Variants in AGK observed in about 807,000 individuals in gnomAD.
AGK encodes the protein acylglycerol kinase, mitochondrial.
In AGK, 52 loss-of-function variants were observed where a neutral mutation model predicts 66.4. The ratio of observed to expected loss-of-function variants is 0.78; its 90% CI spans 0.63 to 0.99. The LOEUF (loss-of-function observed/expected upper bound fraction) is 0.99. Among genes scored for constraint, AGK ranks in the 50% least tolerant of loss-of-function variants. The pLI, the probability that AGK is intolerant of heterozygous loss-of-function variation, is 0.00. For missense variants in AGK, 451 were observed against 506.6 expected (o/e 0.89, Z 1.05); for synonymous variants, 182 against 181.1 (o/e 1.00, Z -0.04).
In AGK at chr7:141,641,828, A is replaced by T. The variant is rs1797297643; in HGVS notation, c.895A>T (p.Ser299Cys). The T allele has an allele frequency of 1.9e-6, 3 of 1,580,190 alleles. No homozygotes were observed. The African/African-American group carries it at 4.0e-5, about 21-fold the overall frequency. Reference protein sequence around the residue: ...QPQDALSQEVSPEVWKDVQLS... With the variant: ...QPQDALSQEVCPEVWKDVQLS... ...TCCCACAGCCCTTTCCCAAGAGGTG[A>T]GCCCGGAGGTCTGGAAAGATGTGCA... The change falls in exon 13 of 16, where the codon AGC (serine) becomes TGC (cysteine). Residue 299 changes from serine (S) to cysteine (C), a missense_variant. Coordinates refer to ENST00000649286, the MANE Select transcript of AGK (RefSeq NM_018238.4).
rs1173617927 is a variant in AGK at position 141,555,199 on chromosome 7, A to G, written c.-14-254A>G. ...AATAGTGATCAGAGAGGGAAGAAGTATAGGTTAGGTGGAAATACGTGAAGG... is the reference window on the plus strand; with the variant it reads ...AATAGTGATCAGAGAGGGAAGAAGTGTAGGTTAGGTGGAAATACGTGAAGG... On this transcript the variant is annotated intron_variant, in intron 1 of 15. Coordinates refer to ENST00000649286, the MANE Select transcript of AGK (RefSeq NM_018238.4). This position sits in a 1 kb window ranked among gnomAD's most constrained non-coding sequence, Gnocchi z 4.2. Among the ~76,000 whole-genome samples the G allele has an allele frequency of 6.6e-6, 1 of 152,102 alleles. No homozygotes were observed. The highest frequency in any genetic ancestry group is 1.5e-5 in the Non-Finnish European group (1 of 68,026).
chr7:141,621,522 G>A (rs1453333595), intron 8 of AGK, among the ~76,000 whole-genome samples: 1 of 152,032 alleles, frequency 6.6e-6, no homozygotes, highest in Non-Finnish European at 1.5e-5. Context: ...ACTTCTCCTT[G>A]CCAAAGCTTT....
chr7:141,654,477 T>A lies in AGK; in HGVS notation c.*1553T>A, dbSNP rs1797641906. On this transcript the variant is annotated 3_prime_UTR_variant, in exon 16 of 16. Transcript: ENST00000649286. ...CACAGTGCTCTATCATCAAGAATTA[T>A]TAATGATGATCTATCAACTAACAAA... 6.6e-6 allele frequency: 1 copy of A among 152,268 alleles called. No homozygotes were observed. Among genetic ancestry groups the A allele is most frequent in the South Asian group, 2.1e-4 (1 of 4,832 alleles). The allele number at this position is 152,268 out of a possible 1,614,324, so 9.4% of individuals were successfully genotyped here.
intron 2 of AGK, among the ~76,000 whole-genome samples, chr7:141,580,088 G>A (rs1795848725): frequency 6.6e-6 from 1 of 151,990 alleles, no homozygotes; most frequent in African/African-American, 2.4e-5. Flanking sequence ...TTAAAGAGGA[G>A]TTAATGATGG....
At chr7:141,638,512 T>C (rs1458371978) in intron 11 of AGK, among the ~76,000 whole-genome samples, 1 of 151,968 alleles carries the variant, frequency 6.6e-6, no homozygotes, top group Non-Finnish European at 1.5e-5. Flanking sequence ...TTTAGAAAAA[T>C]TGTTTTTTTC....
intron 2 of AGK, among the ~76,000 whole-genome samples, chr7:141,583,889 C>A (rs1409020643): frequency 6.6e-6 from 1 of 151,856 alleles, no homozygotes; most frequent in African/African-American, 2.4e-5. Flanking sequence ...TAAAAAGAGG[C>A]CGCTTACCTG....
chr7:141,593,295 TA>T (rs750145077), intron 3 of AGK, 110 bp downstream of exon 3: 2 of 989,916 alleles, frequency 2.0e-6, no homozygotes, highest in Admixed American at 1.8e-5. Flanking sequence ...GCAGTCTGGC[TA>T]TTTTTTAGCA....
intron 14 of AGK, chr7:141,650,641 C>T: frequency 6.1e-6 from 6 of 985,420 alleles, no homozygotes; most frequent in Non-Finnish European, 7.2e-6. Context: ...CTAAAAGATA[C>T]ATCTGCATGA....
At chr7:141,559,388 G>A (rs755348653) in intron 2 of AGK, among the ~76,000 whole-genome samples, 27 of 152,096 alleles carry the variant, frequency 1.8e-4, no homozygotes, top group African/African-American at 6.5e-4. Flanking sequence ...TCCCCATTGC[G>A]TGGTCTTGGC....
At chr7:141,651,678 TC>T in intron 15 of AGK, 69 bp downstream of exon 15, 1 of 1,386,552 alleles carries the variant, frequency 7.2e-7, no homozygotes, top group South Asian at 1.2e-5. Flanking sequence ...CTCTGTGGTG[TC>T]CCATCCTTCC....
At chr7:141,577,176 G>C (rs1006890985) in intron 2 of AGK, among the ~76,000 whole-genome samples, 2 of 152,150 alleles carry the variant, frequency 1.3e-5, no homozygotes, top group Non-Finnish European at 2.9e-5. Context: ...GAAGAGTAGC[G>C]GTGAGAGGGA....
rs949248173 is a variant in AGK at position 141,655,113 on chromosome 7, T to C, written c.*2189T>C. Reference sequence around the variant, plus strand: ...TGCAGAATCTGGCTTTCTTTTCTGATAGGCTACCAGTGTGTGTTTATGTGT... The same window carrying C: ...TGCAGAATCTGGCTTTCTTTTCTGACAGGCTACCAGTGTGTGTTTATGTGT... On this transcript the variant is annotated 3_prime_UTR_variant, in exon 16 of 16. Coordinates refer to ENST00000649286, the MANE Select transcript of AGK (RefSeq NM_018238.4). The C allele has an allele frequency of 6.6e-6, 1 of 152,260 alleles. No individual in the cohort carries two copies. Among genetic ancestry groups the C allele is most frequent in the African/African-American group, 2.4e-5 (1 of 41,470 alleles). The allele number at this position is 152,260 out of a possible 1,614,324, so 9.4% of individuals were successfully genotyped here. A position where few individuals can be genotyped will look rare whatever the true frequency, so the allele number is the denominator to read the frequency against.
At chr7:141,619,446 G>T (rs1245821551) in intron 8 of AGK, among the ~76,000 whole-genome samples, 2 of 151,976 alleles carry the variant, frequency 1.3e-5, no homozygotes, top group Non-Finnish European at 2.9e-5. Flanking sequence ...TAATAGAAAA[G>T]ACAGTTTTTT....
At chr7:141,592,596 G>A (rs1273376480) in intron 2 of AGK, among the ~76,000 whole-genome samples, 1 of 152,162 alleles carries the variant, frequency 6.6e-6, no homozygotes, top group Non-Finnish European at 1.5e-5. Context: ...TTGGGGGGAT[G>A]TGGCATTATT....
intron 4 of AGK, 70 bp from the exon 5 acceptor site, chr7:141,601,135 T>C (rs991170809): frequency 6.8e-6 from 8 of 1,174,338 alleles, no homozygotes; most frequent in Non-Finnish European, 8.8e-6. Flanking sequence ...CTGAAGAAGA[T>C]TGTAAGGCTT....
chr7:141,557,411 T>C (rs1253310904), intron 2 of AGK, among the ~76,000 whole-genome samples: 2 of 152,238 alleles, frequency 1.3e-5, no homozygotes, highest in Non-Finnish European at 2.9e-5. Flanking sequence ...TTCTCCTTTT[T>C]CTAACTACAC....
At chr7:141,638,462 T>C (rs1392897487) in intron 11 of AGK, among the ~76,000 whole-genome samples, 2 of 152,076 alleles carry the variant, frequency 1.3e-5, no homozygotes, top group Non-Finnish European at 1.5e-5. Context: ...TGGGGAGTTA[T>C]TGAGTCTTGA....
intron 13 of AGK, among the ~76,000 whole-genome samples, chr7:141,645,271 G>C (rs1797386084): frequency 6.6e-6 from 1 of 151,934 alleles, no homozygotes; most frequent in Non-Finnish European, 1.5e-5. Flanking sequence ...TCTTTTGCTG[G>C]ATATATTCCC....
At chr7:141,595,096 A>G (rs970535344) in intron 3 of AGK, among the ~76,000 whole-genome samples, 1 of 152,234 alleles carries the variant, frequency 6.6e-6, no homozygotes, top group Non-Finnish European at 1.5e-5. Flanking sequence ...TCTTGAAAAC[A>G]TGATATTTAA....
Sources: allele counts gnomAD v4.1 joint callset (sites outside exome capture counted in the v4.1 genomes callset), GRCh38; gene constraint gnomAD v4.1.1; non-coding constraint Gnocchi (gnomAD v3.1); transcripts MANE v1.5; gene names NCBI Gene and HGNC (gene_info 2026-07-23, HGNC 2026-07-21).